Variants in ANKRD54 observed in about 807,000 individuals in gnomAD.
ANKRD54 encodes the protein ankyrin repeat domain 54, also known as ankyrin repeat domain-containing protein 54.
In ANKRD54, 26 loss-of-function variants were observed where a neutral mutation model predicts 36.2. That is an observed-to-expected ratio of 0.72 (90% confidence interval 0.53 to 1.00). The LOEUF (loss-of-function observed/expected upper bound fraction) is 1.00. Ranked by LOEUF, ANKRD54 falls within the 50% of genes least tolerant of loss-of-function variation. ANKRD54 has a pLI of 0.00. For synonymous variants in ANKRD54, 209 were observed against 188.4 expected (o/e 1.11, Z -0.89); for missense variants, 384 against 424.3 (o/e 0.91, Z 0.83).
chr22:37,841,368 T>C (rs1924217502), intron 1 of ANKRD54, among the ~76,000 whole-genome samples: 2 of 151,842 alleles, frequency 1.3e-5, no homozygotes, highest in Admixed American at 6.6e-5. Flanking sequence ...TATACTAAAA[T>C]ACAAAAAATT....
intron 3 of ANKRD54, 29 bp downstream of exon 3, chr22:37,838,471 C>G (rs781158056): frequency 1.3e-6 from 2 of 1,591,850 alleles, no homozygotes; most frequent in Admixed American, 1.7e-5. Flanking sequence ...TTGCCTAGCC[C>G]TACTCCCTCC....
chr22:37,847,609 ACT>A (rs1172765526), upstream of ANKRD54: 7 of 475,194 alleles, frequency 1.5e-5, no homozygotes, highest in Non-Finnish European at 2.5e-5. Flanking sequence ...TTATTTTCTC[ACT>A]GTTACAATTT....
At chr22:37,834,697 CAAAAAAAAAAAAAAA>C (rs67811223) in intron 3 of ANKRD54, 3 of 43,380 alleles carry the variant, frequency 6.9e-5, no homozygotes, top group Non-Finnish European at 1.1e-4. Context: ...GACCCTGTCT[CAAAAAAAAAAAAAAA>C]AAAAAAAAAA....
intron 7 of ANKRD54, 134 bp downstream of exon 7, chr22:37,832,503 C>A: frequency 1.4e-6 from 1 of 731,838 alleles, no homozygotes; most frequent in Non-Finnish European, 2.2e-6. Context: ...GTTGGGATTA[C>A]AGGTGTGAGC....
intron 2 of ANKRD54, among the ~76,000 whole-genome samples, chr22:37,838,974 C>G (rs897251912): frequency 1.3e-5 from 2 of 152,150 alleles, no homozygotes; most frequent in Non-Finnish European, 2.9e-5. Context: ...AGCTATTGGC[C>G]TATGCTATGC....
upstream of ANKRD54, chr22:37,847,790 T>A (rs775693762): frequency 6.6e-5 from 29 of 436,868 alleles, 1 homozygote; most frequent in South Asian, 5.1e-4. Flanking sequence ...TAAGCTCCAT[T>A]ATTTCCAAAT....
rs1186545610 is a variant in ANKRD54 at position 37,830,884 on chromosome 22, T to TA, written c.*1058dup. On this transcript the variant is annotated 3_prime_UTR_variant, in exon 8 of 8. Coordinates refer to ENST00000215941, the MANE Select transcript of ANKRD54 (RefSeq NM_138797.4). ...TTAAAACAACACAAATTTATTCCCT[T>TA]AGAGTTCTAAAATCAGCCAGAATTA... 2 of 152,196 alleles carry TA rather than the reference T, an allele frequency of 1.3e-5. No homozygotes were observed. The highest frequency in any genetic ancestry group is 4.8e-5 in the African/African-American group (2 of 41,442). The allele number at this position is 152,196 out of a possible 1,614,324, so 9.4% of individuals were successfully genotyped here. A position where few individuals can be genotyped will look rare whatever the true frequency, so the allele number is the denominator to read the frequency against.
intron 3 of ANKRD54, 43 bp from the exon 4 acceptor site, chr22:37,833,798 T>C (rs754065809): frequency 2.3e-5 from 37 of 1,595,282 alleles, no homozygotes; most frequent in Admixed American, 2.0e-4. Context: ...GAGGCTTCCA[T>C]TGCCTGCACC....
In ANKRD54 at chr22:37,831,298, C is replaced by T. The variant is rs1237039167; in HGVS notation, c.*645G>A. On this transcript the variant is annotated 3_prime_UTR_variant, in exon 8 of 8. Transcript: ENST00000215941. ...CTGGGCAGCAAAACTATTACACCCT[C>T]CGGTATAATAGTTTTGGTGTTTCAA... The T allele has an allele frequency of 6.6e-6, 1 of 152,314 alleles. No homozygotes were observed. Among genetic ancestry groups the T allele is most frequent in the Non-Finnish European group, 1.5e-5 (1 of 68,110 alleles). 9.4% of individuals were successfully genotyped at this position (152,314 alleles called of 1,614,324 possible).
chr22:37,841,274 C>G (rs533285468), intron 1 of ANKRD54, among the ~76,000 whole-genome samples: 1 of 152,074 alleles, frequency 6.6e-6, no homozygotes, highest in African/African-American at 2.4e-5. Context: ...GCCTGTAATC[C>G]CAGAACGTTG....
At chr22:37,843,777 G>A in intron 1 of ANKRD54, 134 bp downstream of exon 1, 1 of 482,132 alleles carries the variant, frequency 2.1e-6, no homozygotes, top group Middle Eastern at 6.5e-4. Context: ...GGGTCAGTGT[G>A]GCCCTCAGCG....
upstream of ANKRD54, among the ~76,000 whole-genome samples, chr22:37,844,863 C>T (rs1176501929): frequency 1.3e-5 from 2 of 151,970 alleles, no homozygotes; most frequent in Non-Finnish European, 2.9e-5. Flanking sequence ...CCACCGCGCC[C>T]GGCCTTTTTT....
chr22:37,837,829 A>G (rs1923737421), intron 3 of ANKRD54, among the ~76,000 whole-genome samples: 1 of 152,150 alleles, frequency 6.6e-6, no homozygotes, highest in Admixed American at 6.6e-5. Context: ...TCTACTAAAA[A>G]ATACAAAAAA....
chr22:37,841,012 G>A (rs1274468033), intron 1 of ANKRD54, among the ~76,000 whole-genome samples: 1 of 150,940 alleles, frequency 6.6e-6, no homozygotes, highest in Non-Finnish European at 1.5e-5. Context: ...AAGCCGGAAG[G>A]CGGAGGCTAC....
chr22:37,844,121 C>T lies in ANKRD54; in HGVS notation c.118G>A (p.Ala40Thr), dbSNP rs372650126. The T allele has an allele frequency of 5.4e-6, 8 of 1,490,630 alleles. 1 individual carries two copies. In the African/African-American group the frequency reaches 7.3e-5, roughly 14 times the overall value. 92.3% of individuals were successfully genotyped at this position (1,490,630 alleles called of 1,614,324 possible). Residue 40 changes from alanine to threonine, a missense_variant, in exon 1 of 8, where the codon GCT becomes ACT. Physicochemically the swap from Ala to Thr is moderately conservative, Grantham distance 58 (BLOSUM62 0). Transcript: ENST00000215941. Reference sequence around the variant, plus strand: ...CCGCCCAGCGCAGACCCGAAGTCAGCGAAGGAGAAGAGGCCCTCAGCGTCA... The same window carrying T: ...CCGCCCAGCGCAGACCCGAAGTCAGTGAAGGAGAAGAGGCCCTCAGCGTCA... ...LTDAEGLFSFADFGSALGGGG... is the reference protein window; with the variant it reads ...LTDAEGLFSFTDFGSALGGGG...
chr22:37,844,347 G>C (rs1168994923), upstream of ANKRD54: 1 of 1,315,626 alleles, frequency 7.6e-7, no homozygotes, highest in Admixed American at 2.7e-5. Context: ...CGGGCGGGCA[G>C]GGCCCGCAAC....
At chr22:37,845,855 C>T (rs1171861188), upstream of ANKRD54, among the ~76,000 whole-genome samples, 4 of 135,138 alleles carry the variant, frequency 3.0e-5, no homozygotes, top group South Asian at 2.4e-4. Context: ...GGTGACAGAG[C>T]GAGACTCCAT....
At chr22:37,838,437 C>G (rs903316576) in intron 3 of ANKRD54, 63 bp downstream of exon 3, 7 of 1,505,810 alleles carry the variant, frequency 4.6e-6, no homozygotes, top group South Asian at 2.4e-5. Flanking sequence ...AGCGCCTCCC[C>G]CAAGGCCTGT....
At chr22:37,834,473 T>C (rs1923269842) in intron 3 of ANKRD54, 1 of 151,740 alleles carries the variant, frequency 6.6e-6, no homozygotes, top group Non-Finnish European at 1.5e-5. Context: ...GGCAGGTGGA[T>C]CATTTGAGCT....
Sources: allele counts gnomAD v4.1 joint callset (sites outside exome capture counted in the v4.1 genomes callset), GRCh38; gene constraint gnomAD v4.1.1; transcripts MANE v1.5; gene names NCBI Gene and HGNC (gene_info 2026-07-23, HGNC 2026-07-21).